Variants in AKIRIN1 observed in about 807,000 individuals in gnomAD.
AKIRIN1 encodes the protein akirin-1.
AKIRIN1 carries 4 observed loss-of-function variants against 25.9 expected under a neutral mutation model. The ratio of observed to expected loss-of-function variants is 0.15; its 90% confidence interval spans 0.08 to 0.35. The LOEUF (loss-of-function observed/expected upper bound fraction) is 0.35, where lower values mean the gene tolerates loss of function less well. AKIRIN1 is among the 10% of genes least tolerant of loss of function. AKIRIN1 has a pLI of 1.00. For synonymous variants in AKIRIN1, 125 were observed against 105.1 expected (o/e 1.19, Z -1.16); for missense variants, 243 against 266.1 (o/e 0.91, Z 0.61).
At chr1:38,993,631 C>CA (rs529279921) in intron 1 of AKIRIN1, among the ~76,000 whole-genome samples, 14,607 of 108,836 alleles carry the variant, frequency 0.13, 991 homozygotes, top group Admixed American at 0.17. Context: ...AACTCCATCT[C>CA]AAAAAAAAAA....
chr1:38,994,371 A>G (rs999815161), intron 1 of AKIRIN1, among the ~76,000 whole-genome samples: 11 of 152,212 alleles, frequency 7.2e-5, no homozygotes, highest in East Asian at 1.9e-4. Flanking sequence ...ATTGAGTGCT[A>G]GGTGAATTCC....
intron 3 of AKIRIN1, 86 bp from the exon 4 acceptor site, chr1:39,003,261 C>A: frequency 7.7e-7 from 1 of 1,300,988 alleles, no homozygotes; most frequent in East Asian, 2.3e-5. Flanking sequence ...AGAATTCAAA[C>A]TGGGAAGCTA....
At chr1:38,996,480 G>A (rs1222449225) in intron 1 of AKIRIN1, among the ~76,000 whole-genome samples, 1 of 152,002 alleles carries the variant, frequency 6.6e-6, no homozygotes, top group Non-Finnish European at 1.5e-5. Context: ...CTGGATTACA[G>A]GCATGAGCCA....
intron 2 of AKIRIN1, 150 bp from the exon 3 acceptor site, chr1:39,000,822 A>C: frequency 1.2e-6 from 1 of 818,354 alleles, no homozygotes; most frequent in Non-Finnish European, 1.8e-6. Flanking sequence ...ACGCCCAGCT[A>C]ATTTTGTATT....
chr1:38,994,202 C>G (rs1304728578), intron 1 of AKIRIN1, among the ~76,000 whole-genome samples: 1 of 152,026 alleles, frequency 6.6e-6, no homozygotes, highest in African/African-American at 2.4e-5. Flanking sequence ...TGGAGTTTTT[C>G]TCATTTGGGG....
intron 1 of AKIRIN1, among the ~76,000 whole-genome samples, 194 bp downstream of exon 1, chr1:38,991,794 A>G (rs529023928): frequency 6.6e-6 from 1 of 152,228 alleles, no homozygotes; most frequent in African/African-American, 2.4e-5. Flanking sequence ...TAATGGGGCC[A>G]CAGGGTCGGT....
chr1:38,994,799 C>T (rs1268598497), intron 1 of AKIRIN1, among the ~76,000 whole-genome samples: 1 of 149,664 alleles, frequency 6.7e-6, no homozygotes, highest in Non-Finnish European at 1.5e-5. Flanking sequence ...AAGCGATTCT[C>T]CTGCCTTAGC....
At chr1:38,997,842 ACCAT>A (rs1643958646) in intron 1 of AKIRIN1, among the ~76,000 whole-genome samples, 1 of 152,202 alleles carries the variant, frequency 6.6e-6, no homozygotes, top group Non-Finnish European at 1.5e-5. Flanking sequence ...GTACTAGTTA[ACCAT>A]CCAGCTAACT....
chr1:38,991,707 T>A, intron 1 of AKIRIN1, 107 bp downstream of exon 1: 1 of 1,154,190 alleles, frequency 8.7e-7, no homozygotes. Flanking sequence ...CAGGGACCCC[T>A]TCTTTGCCTT....
rs904378575 is a variant in AKIRIN1, at chr1:39,005,024, G to A, written c.*969G>A. 6.6e-6 allele frequency: 1 copy of A among 152,360 alleles called. No homozygotes were observed. The highest frequency in any genetic ancestry group is 2.4e-5 in the African/African-American group (1 of 41,460). 9.4% of individuals were successfully genotyped at this position (152,360 alleles called of 1,614,324 possible). A position where few individuals can be genotyped will look rare whatever the true frequency, so the allele number is the denominator to read the frequency against. On this transcript the variant is annotated 3_prime_UTR_variant, in exon 5 of 5. Coordinates refer to ENST00000432648, the MANE Select transcript of AKIRIN1 (RefSeq NM_024595.3). ...ATTAGTTATTAAAAAATATAATTTGGGCTGGGCGCAGTGGCTCACGCCTGT... is the reference window on the plus strand; with the variant it reads ...ATTAGTTATTAAAAAATATAATTTGAGCTGGGCGCAGTGGCTCACGCCTGT...
intron 1 of AKIRIN1, among the ~76,000 whole-genome samples, chr1:38,997,695 C>G (rs1356728881): frequency 6.6e-6 from 1 of 152,130 alleles, no homozygotes; most frequent in African/African-American, 2.4e-5. Context: ...CCATATGGGA[C>G]AAGAGCTTCC....
chr1:38,998,696 G>C (rs1643965729), intron 2 of AKIRIN1, among the ~76,000 whole-genome samples: 1 of 152,026 alleles, frequency 6.6e-6, no homozygotes, highest in South Asian at 2.1e-4. Context: ...CTGAGGTCAA[G>C]AGTTCAAGAC....
rs1644023021 is a variant in AKIRIN1 at position 39,004,899 on chromosome 1, G to A, written c.*844G>A. ...GAAAAGGTCTACCCTGGAGCCAGGA[G>A]CATCAGGGTTGGCTTGGGAGCATGA... On this transcript the variant is annotated 3_prime_UTR_variant, in exon 5 of 5. Transcript: ENST00000432648. 1 of 152,412 alleles carries A rather than the reference G, an allele frequency of 6.6e-6. No individual in the cohort carries two copies. The highest frequency in any genetic ancestry group is 2.1e-4 in the South Asian group (1 of 4,838). 9.4% of individuals were successfully genotyped at this position (152,412 alleles called of 1,614,324 possible). A position where few individuals can be genotyped will look rare whatever the true frequency, so the allele number is the denominator to read the frequency against.
At chr1:38,992,747 C>A (rs956482422) in intron 1 of AKIRIN1, among the ~76,000 whole-genome samples, 1 of 152,174 alleles carries the variant, frequency 6.6e-6, no homozygotes, top group Admixed American at 6.5e-5. Context: ...GTCTCTTACA[C>A]ATTTTTTTCA....
chr1:39,002,496 C>T (rs758593813), intron 3 of AKIRIN1, among the ~76,000 whole-genome samples: 2 of 152,020 alleles, frequency 1.3e-5, no homozygotes, highest in Non-Finnish European at 2.9e-5. Context: ...TTTGGGAGGC[C>T]GAGGCGGGCA....
intron 1 of AKIRIN1, among the ~76,000 whole-genome samples, chr1:38,992,958 T>G (rs986191666): frequency 6.6e-6 from 1 of 152,202 alleles, no homozygotes; most frequent in South Asian, 2.1e-4. Flanking sequence ...AGATAATGTT[T>G]GCAAAAGTCC....
Position 38,996,175 on chromosome 1 carries a change from A to G in AKIRIN1, c.221-1996A>G, listed in dbSNP as rs1557641549. Among the ~76,000 whole-genome samples, 9 of 152,006 alleles carry G rather than the reference A, an allele frequency of 5.9e-5. No individual in the cohort carries two copies. The South Asian group carries it at 1.5e-3, about 25-fold the overall frequency. On this transcript the variant is annotated intron_variant, in intron 1 of 4. Coordinates refer to ENST00000432648, the MANE Select transcript of AKIRIN1 (RefSeq NM_024595.3). Reference sequence around the variant, plus strand: ...AATGGGGTGATCTCGGCTCACTGCAATCTCCACCTCCTGGGTTGAAGCAAT... The same window carrying G: ...AATGGGGTGATCTCGGCTCACTGCAGTCTCCACCTCCTGGGTTGAAGCAAT...
intron 2 of AKIRIN1, 85 bp downstream of exon 2, chr1:38,998,396 A>G (rs937801509): frequency 1.5e-6 from 2 of 1,372,902 alleles, no homozygotes; most frequent in Non-Finnish European, 2.0e-6. Flanking sequence ...GCCTCCTCTA[A>G]TGTAATAGAA....
chr1:39,003,496 G>A lies in AKIRIN1; in HGVS notation c.568+78G>A, dbSNP rs550264334. The A allele has an allele frequency of 1.1e-4, 156 of 1,372,504 alleles. 1 individual carries two copies. The Admixed American group carries it at 2.8e-3, about 25-fold the overall frequency. 85.0% of individuals were successfully genotyped at this position (1,372,504 alleles called of 1,614,324 possible). A position where few individuals can be genotyped will look rare whatever the true frequency, so the allele number is the denominator to read the frequency against. The stretch of plus-strand genomic sequence containing the variant: ...CTACACTGAAACTTCTCTCCTCAGA[G>A]TAAAAAGTCCCTGTGAAGTAAAATG... On this transcript the variant is annotated intron_variant, in intron 4 of 4. Coordinates refer to ENST00000432648, the MANE Select transcript of AKIRIN1 (RefSeq NM_024595.3).
Sources: allele counts gnomAD v4.1 joint callset (sites outside exome capture counted in the v4.1 genomes callset), GRCh38; gene constraint gnomAD v4.1.1; transcripts MANE v1.5; gene names NCBI Gene and HGNC (gene_info 2026-07-23, HGNC 2026-07-21).